ABLIM2: variants seen among roughly 807,000 people sequenced by gnomAD.
ABLIM2 encodes the protein actin-binding LIM protein 2.
ABLIM2 carries 53 observed loss-of-function variants against 97.7 expected under a neutral mutation model. The observed-to-expected ratio is 0.54, with a 90% CI of 0.44 to 0.68. ABLIM2 has a LOEUF of 0.68. Ranked by LOEUF, ABLIM2 falls within the 30% of genes least tolerant of loss-of-function variation. ABLIM2 has a pLI of 0.00. For synonymous variants in ABLIM2, 361 were observed against 345.8 expected, an observed-to-expected ratio of 1.04 and a Z score of -0.49; for missense variants, 835 against 867.2, an observed-to-expected ratio of 0.96 and a Z score of 0.47.
chr4:8,130,652 C>A lies in ABLIM2; in HGVS notation c.11-24015G>T, dbSNP rs2152929978. On this transcript the variant is annotated intron_variant, in intron 1 of 20. Coordinates refer to ENST00000447017, the MANE Select transcript of ABLIM2 (RefSeq NM_001130083.2). The surrounding 1 kb of genome is among the most constrained non-coding windows in gnomAD (Gnocchi z 4.2). ...GGAGCACAGGGTGATCTGACCTGGCCTGGAGGGAGCAGAGGGGCTTCCTGG... is the reference window on the plus strand; with the variant it reads ...GGAGCACAGGGTGATCTGACCTGGCATGGAGGGAGCAGAGGGGCTTCCTGG... Among the ~76,000 whole-genome samples the A allele has an allele frequency of 1.3e-5, 2 of 152,222 alleles. No homozygotes were observed. Among genetic ancestry groups the A allele is most frequent in the Admixed American group, 1.3e-4 (2 of 15,286 alleles).
Position 8,027,870 on chromosome 4 carries a change from A to G in ABLIM2, c.1169-13T>C. 1 of 1,567,728 alleles carries G rather than the reference A, an allele frequency of 6.4e-7. No individual in the cohort carries two copies. Among genetic ancestry groups the G allele is most frequent in the Non-Finnish European group, 8.6e-7 (1 of 1,158,672 alleles). On this transcript the variant is annotated splice_polypyrimidine_tract_variant and intron_variant, in intron 11 of 20. Coordinates refer to ENST00000447017, the MANE Select transcript of ABLIM2 (RefSeq NM_001130083.2). ...CTCACAGTACCAGCTACGGGGTAAC[A>G]GAGAGCAAGTCAGAGTCAACCTGGG...
chr4:8,044,463 A>C lies in ABLIM2; in HGVS notation c.900+701T>G, dbSNP rs1481625693. ...ATATTAAATTTACATATACATATGT[A>C]TATGTATGTATACATATATAAATTT... On this transcript the variant is annotated intron_variant, in intron 9 of 20. Transcript: ENST00000447017. This position sits in a 1 kb window ranked among gnomAD's most constrained non-coding sequence, Gnocchi z 4.4. 6.6e-6 allele frequency among the ~76,000 whole-genome samples: 1 copy of C among 151,852 alleles called. No homozygotes were observed. Among genetic ancestry groups the C allele is most frequent in the African/African-American group, 2.4e-5 (1 of 41,368 alleles).
In ABLIM2 at chr4:8,095,081, T is replaced by TCTCTCTTTCTTTCTTTCTCTTTCC. The variant is rs1186801724; in HGVS notation, c.338+1994_338+2017dup. Among the ~76,000 whole-genome samples the TCTCTCTTTCTTTCTTTCTCTTTCC allele has an allele frequency of 1.4e-5, 2 of 139,018 alleles. No individual in the cohort carries two copies. The highest frequency in any genetic ancestry group is 3.3e-5 in the Non-Finnish European group (2 of 61,458). The allele number at this position is 139,018 out of a possible 152,430, so 91.2% of individuals were successfully genotyped here. The stretch of plus-strand genomic sequence containing the variant: ...CTTTCTCTTTCTTTCTTTCTCTCTC[T>TCTCTCTTTCTTTCTTTCTCTTTCC]CTCTCTTTCTTTCTTTCTCTTTCCT... On this transcript the variant is annotated intron_variant, in intron 3 of 20. Coordinates refer to ENST00000447017, the MANE Select transcript of ABLIM2 (RefSeq NM_001130083.2). The surrounding 1 kb of genome is among the most constrained non-coding windows in gnomAD (Gnocchi z 4.7).
At chr4:8,000,974 G>A (rs1404946379) in intron 16 of ABLIM2, among the ~76,000 whole-genome samples, 6 of 152,158 alleles carry the variant, frequency 3.9e-5, no homozygotes, top group South Asian at 2.1e-4. Flanking sequence ...CTCACACAGC[G>A]TCCGGGTCTG....
intron 1 of ABLIM2, among the ~76,000 whole-genome samples, chr4:8,108,702 G>A (rs1205180277): frequency 1.3e-5 from 2 of 152,238 alleles, no homozygotes; most frequent in African/African-American, 2.4e-5. Context: ...CCCCGAGGCC[G>A]ACAGCCTCCA....
Position 8,085,597 on chromosome 4 carries a change from C to G in ABLIM2, c.454+2572G>C, listed in dbSNP as rs371838702. 6.9e-6 allele frequency among the ~76,000 whole-genome samples: 1 copy of G among 144,522 alleles called. No homozygotes were observed. Among genetic ancestry groups the G allele is most frequent in the Non-Finnish European group, 1.5e-5 (1 of 66,900 alleles). 94.8% of individuals were successfully genotyped at this position (144,522 alleles called of 152,430 possible). ...CACGCTGCAGCCCCGTCCACTCACG[C>G]GGGTCTGGGGGGTGCCCACGCTGCA... is the stretch of plus-strand genomic sequence containing the variant. On this transcript the variant is annotated intron_variant, in intron 4 of 20. Coordinates refer to ENST00000447017, the MANE Select transcript of ABLIM2 (RefSeq NM_001130083.2). This position sits in a 1 kb window ranked among gnomAD's most constrained non-coding sequence, Gnocchi z 6.1.
At chr4:7,988,140 A>G (rs1243245683) in intron 17 of ABLIM2, among the ~76,000 whole-genome samples, 1 of 152,120 alleles carries the variant, frequency 6.6e-6, no homozygotes, top group Non-Finnish European at 1.5e-5. Flanking sequence ...CTCCTGCCTC[A>G]GCCTCCTGAG....
intron 9 of ABLIM2, 41 bp downstream of exon 9, chr4:8,045,123 C>T (rs372017173): frequency 2.5e-6 from 4 of 1,586,130 alleles, no homozygotes; most frequent in African/African-American, 2.7e-5. Context: ...CTTCTCTCTC[C>T]ACCCTCCCAC....
In ABLIM2 at chr4:8,088,182, G is replaced by T; in HGVS notation, c.441C>A (p.Ser147=). The T allele has an allele frequency of 1.9e-6, 3 of 1,608,308 alleles. No homozygotes were observed. Among genetic ancestry groups the T allele is most frequent in the Non-Finnish European group, 2.5e-6 (3 of 1,178,752 alleles). Residue 147 remains serine, a synonymous_variant, in exon 4 of 21, where the codon TCC becomes TCA. Coordinates refer to ENST00000447017, the MANE Select transcript of ABLIM2 (RefSeq NM_001130083.2). ...GCGCCCACTTACTTCGGAGGCCCTG[G>T]GACAGGTGCGCGCTGCTGCCCACCG... ...PVSVGSSAHL[S]QGLRSCGGCG...
At chr4:7,972,733 C>T (rs566135803) in intron 20 of ABLIM2, among the ~76,000 whole-genome samples, 4 of 152,262 alleles carry the variant, frequency 2.6e-5, no homozygotes, top group South Asian at 2.1e-4. Flanking sequence ...TCCTGACTCC[C>T]GACGCTTTCT....
At chr4:8,073,024 G>C (rs747859703) in intron 6 of ABLIM2, among the ~76,000 whole-genome samples, 39 of 152,128 alleles carry the variant, frequency 2.6e-4, no homozygotes, top group Non-Finnish European at 5.4e-4. Context: ...AGGGAGAGGA[G>C]AGGCTGAGTC....
intron 3 of ABLIM2, among the ~76,000 whole-genome samples, chr4:8,091,377 A>AT (rs1433396491): frequency 5.7e-5 from 3 of 52,196 alleles, no homozygotes; most frequent in Admixed American, 3.6e-4. Context: ...TATTACATAT[A>AT]ATTATATTAT....
chr4:7,987,010 T>A (rs1344404716), intron 17 of ABLIM2, among the ~76,000 whole-genome samples: 2 of 151,714 alleles, frequency 1.3e-5, no homozygotes, highest in Non-Finnish European at 2.9e-5. Flanking sequence ...AGAGACAGAG[T>A]CTGGCTCTGT....
intron 1 of ABLIM2, among the ~76,000 whole-genome samples, chr4:8,134,841 C>T: frequency 6.6e-6 from 1 of 152,234 alleles, no homozygotes; most frequent in East Asian, 1.9e-4. Flanking sequence ...CCAACAATTC[C>T]TCTTCCAGGA....
chr4:8,110,490 G>A (rs761480643), intron 1 of ABLIM2, among the ~76,000 whole-genome samples: 59 of 152,094 alleles, frequency 3.9e-4, no homozygotes, highest in Non-Finnish European at 4.1e-4. Flanking sequence ...TCTTCTTCTT[G>A]TGTTACCTGG....
chr4:8,055,588 A>G lies in ABLIM2; in HGVS notation c.764-1342T>C, dbSNP rs1016986052. ...CTGTGGCTGACTTGTGTATCCCACA[A>G]AAAAGCCACACAGGCTAGCACATGG... is the stretch of plus-strand genomic sequence containing the variant. On this transcript the variant is annotated intron_variant, in intron 7 of 20. Coordinates refer to ENST00000447017, the MANE Select transcript of ABLIM2 (RefSeq NM_001130083.2). Among the ~76,000 whole-genome samples the G allele has an allele frequency of 2.0e-5, 3 of 152,236 alleles. 1 individual carries two copies. The East Asian group carries it at 5.8e-4, about 29-fold the overall frequency.
At chr4:8,142,084 C>A (rs1354599007) in intron 1 of ABLIM2, among the ~76,000 whole-genome samples, 2 of 152,198 alleles carry the variant, frequency 1.3e-5, no homozygotes, top group African/African-American at 4.8e-5. Flanking sequence ...CGCAGCTGTT[C>A]GAGTTGTCCT....
intron 3 of ABLIM2, among the ~76,000 whole-genome samples, chr4:8,094,863 A>G (rs148444844): frequency 6.6e-6 from 1 of 152,048 alleles, no homozygotes; most frequent in East Asian, 1.9e-4. Context: ...AAAACCCACA[A>G]TTACTTTTGC....
rs1849193443 is a variant in ABLIM2 at position 8,130,425 on chromosome 4, CCAA to C, written c.11-23791_11-23789del. On this transcript the variant is annotated intron_variant, in intron 1 of 20. Transcript: ENST00000447017. This position sits in a 1 kb window ranked among gnomAD's most constrained non-coding sequence, Gnocchi z 4.2. Reference sequence around the variant, plus strand: ...CCCTCAGGGTCCTCTTGGCTCAAGACCAACAACTGCAGGGGCTATGGCAGGGAG... The same window carrying C: ...CCCTCAGGGTCCTCTTGGCTCAAGACCAACTGCAGGGGCTATGGCAGGGAG... 6.6e-6 allele frequency among the ~76,000 whole-genome samples: 1 copy of C among 152,184 alleles called. No individual in the cohort carries two copies. The highest frequency in any genetic ancestry group is 2.4e-5 in the African/African-American group (1 of 41,446).
Sources: allele counts gnomAD v4.1 joint callset (sites outside exome capture counted in the v4.1 genomes callset), GRCh38; gene constraint gnomAD v4.1.1; non-coding constraint Gnocchi (gnomAD v3.1); transcripts MANE v1.5; gene names NCBI Gene and HGNC (gene_info 2026-07-23, HGNC 2026-07-21).